The following NFIB variants were observed in gnomAD, a reference collection of about 807,000 sequenced individuals.
NFIB encodes nuclear factor I B, also known as nuclear factor 1 B-type.
In NFIB, 11 loss-of-function variants were observed where a neutral mutation model predicts 61.5. The ratio of observed to expected loss-of-function variants is 0.18; its 90% CI spans 0.11 to 0.30. The LOEUF is 0.30. NFIB is among the 10% of genes least tolerant of loss of function. NFIB has a pLI of 1.00. For synonymous variants in NFIB, 260 were observed against 216.5 expected, an observed-to-expected ratio of 1.20 and a Z score of -1.76; for missense variants, 471 against 608.9, an observed-to-expected ratio of 0.77 and a Z score of 2.38.
At position 14,083,780 on chromosome 9, in the gene NFIB, T is replaced by C. The variant is rs1282451968; in HGVS notation, c.*4529A>G. On this transcript the variant is annotated 3_prime_UTR_variant, in exon 11 of 11. Coordinates refer to ENST00000380953, the MANE Select transcript of NFIB (RefSeq NM_001190737.2). Reference sequence around the variant, plus strand: ...GCTGAAGATGTCCCTGTGCAATCTCTTTCGTTGAGTCCTTATGAAGCTACA... The same window carrying C: ...GCTGAAGATGTCCCTGTGCAATCTCCTTCGTTGAGTCCTTATGAAGCTACA... 3 of 226,430 alleles carry C rather than the reference T, an allele frequency of 1.3e-5. No homozygotes were observed. In the Admixed American group the frequency reaches 1.7e-4, roughly 13 times the overall value. The allele number at this position is 226,430 out of a possible 1,614,324, so 14.0% of individuals were successfully genotyped here.
rs530293227 is a variant in NFIB at position 14,107,801 on chromosome 9, A to G, written c.1467+5198T>C. Among the ~76,000 whole-genome samples, 4 of 152,228 alleles carry G rather than the reference A, an allele frequency of 2.6e-5. No homozygotes were observed. In the East Asian group the frequency reaches 7.7e-4, roughly 29 times the overall value. On this transcript the variant is annotated intron_variant, in intron 10 of 10. Transcript: ENST00000380953. Reference sequence around the variant, plus strand: ...TAATGCTAAAATATCTGTAAATAAAACCTTCAGAATTCCCTCTACCTCCCT... The same window carrying G: ...TAATGCTAAAATATCTGTAAATAAAGCCTTCAGAATTCCCTCTACCTCCCT...
At chr9:14,190,830 A>G (rs554306588) in intron 2 of NFIB, among the ~76,000 whole-genome samples, 1 of 152,348 alleles carries the variant, frequency 6.6e-6, no homozygotes, top group South Asian at 2.1e-4. Flanking sequence ...GCTCACAGAG[A>G]CATGAAGATG....
chr9:14,366,985 G>A (rs188396959), intron 1 of NFIB, among the ~76,000 whole-genome samples: 2 of 152,106 alleles, frequency 1.3e-5, no homozygotes, highest in East Asian at 1.9e-4. Flanking sequence ...AAGAGTTTTG[G>A]CTGTCTCTCC....
At chr9:14,327,245 T>C (rs1260162242) in intron 1 of NFIB, among the ~76,000 whole-genome samples, 2 of 152,200 alleles carry the variant, frequency 1.3e-5, no homozygotes, top group Admixed American at 6.5e-5. Flanking sequence ...TTTTGCTCAG[T>C]GAGGCCACAT....
At chr9:14,211,325 G>A (rs1292922466) in intron 2 of NFIB, among the ~76,000 whole-genome samples, 1 of 152,122 alleles carries the variant, frequency 6.6e-6, no homozygotes, top group Admixed American at 6.6e-5. Context: ...GACCTGGGAA[G>A]TTTCTTAAAA....
At chr9:14,258,461 G>A (rs1215685820) in intron 2 of NFIB, among the ~76,000 whole-genome samples, 1 of 152,228 alleles carries the variant, frequency 6.6e-6, no homozygotes, top group Non-Finnish European at 1.5e-5. Context: ...CATGGGGCAA[G>A]ACAGTGGAAT....
intron 2 of NFIB, among the ~76,000 whole-genome samples, chr9:14,200,386 A>C (rs1273907444): frequency 6.6e-6 from 1 of 152,204 alleles, no homozygotes; most frequent in African/African-American, 2.4e-5. Context: ...GTGAAGTTAG[A>C]CCAAGGAATA....
chr9:14,096,453 GA>G (rs2034804147), intron 10 of NFIB: 1 of 152,126 alleles, frequency 6.6e-6, no homozygotes, highest in African/African-American at 2.4e-5. Flanking sequence ...AAATATCACG[GA>G]AAAAAGTTGT....
the NFIB span, among the ~76,000 whole-genome samples, chr9:14,442,948 C>T: frequency 6.6e-6 from 1 of 152,046 alleles, no homozygotes; most frequent in Non-Finnish European, 1.5e-5. Flanking sequence ...GGCTTTGACC[C>T]AGGGCCACAC....
chr9:14,188,776 C>T (rs2047642086), intron 2 of NFIB, among the ~76,000 whole-genome samples: 1 of 152,168 alleles, frequency 6.6e-6, no homozygotes, highest in African/African-American at 2.4e-5. Context: ...ATCTGGGAGA[C>T]ATTTTGGATT....
At chr9:14,499,708 C>A in the NFIB span, among the ~76,000 whole-genome samples, 1 of 152,178 alleles carries the variant, frequency 6.6e-6, no homozygotes, top group African/African-American at 2.4e-5. Flanking sequence ...GGGACCTGAG[C>A]CTCAATCTTT....
In NFIB at chr9:14,347,444, C is replaced by G. The variant is rs186017062; in HGVS notation, c.109-39924G>C. ...GACTCCTTTTCTCCTCCTGCCAGCG[C>G]CAGCTGGGGCAAACTTGAGCTGGCA... On this transcript the variant is annotated intron_variant, in intron 1 of 8. Coordinates refer to the NFIB transcript ENST00000380934. The G allele has an allele frequency of 5.2e-5, 8 of 152,512 alleles. No individual in the cohort carries two copies. In the South Asian group the frequency reaches 1.0e-3, roughly 20 times the overall value. 9.4% of individuals were successfully genotyped at this position (152,512 alleles called of 1,614,324 possible).
intron 10 of NFIB, among the ~76,000 whole-genome samples, chr9:14,106,892 C>T (rs777956115): frequency 7.9e-5 from 12 of 152,078 alleles, no homozygotes; most frequent in Non-Finnish European, 1.6e-4. Flanking sequence ...ACAGTTCCTA[C>T]GATGACAACA....
At chr9:14,235,899 A>C (rs1298732278) in intron 2 of NFIB, among the ~76,000 whole-genome samples, 1 of 152,228 alleles carries the variant, frequency 6.6e-6, no homozygotes, top group Non-Finnish European at 1.5e-5. Flanking sequence ...GGTTTTTAAC[A>C]CAATTACTAC....
Position 14,082,693 on chromosome 9 carries a change from C to G in NFIB, c.*5616G>C. The stretch of plus-strand genomic sequence containing the variant: ...GTTTTTTTTTTTTGTTTGTTTCTTT[C>G]TTGTTTTGCATCAACTTTTATCAGT... On this transcript the variant is annotated 3_prime_UTR_variant, in exon 11 of 11. Transcript: ENST00000380953. 1 of 164,978 alleles carries G rather than the reference C, an allele frequency of 6.1e-6. No homozygotes were observed. The allele number at this position is 164,978 out of a possible 1,614,324, so 10.2% of individuals were successfully genotyped here.
At chr9:14,431,607 C>G in the NFIB span, among the ~76,000 whole-genome samples, 6 of 151,458 alleles carry the variant, frequency 4.0e-5, no homozygotes, top group Admixed American at 2.0e-4. Flanking sequence ...AATATCATCT[C>G]CCCTCTCTCC....
chr9:14,375,113 T>C (rs1384131123), intron 1 of NFIB, among the ~76,000 whole-genome samples: 1 of 152,178 alleles, frequency 6.6e-6, no homozygotes, highest in African/African-American at 2.4e-5. Context: ...CAGACTTCAA[T>C]GTCTTAAACA....
chr9:14,308,924 T>C (rs1275407130), intron 1 of NFIB, among the ~76,000 whole-genome samples: 2 of 152,178 alleles, frequency 1.3e-5, no homozygotes, highest in Non-Finnish European at 2.9e-5. Flanking sequence ...ACCTGTCTTA[T>C]AAGCTTAGGC....
intron 2 of NFIB, among the ~76,000 whole-genome samples, chr9:14,246,100 C>G (rs1176081059): frequency 1.3e-5 from 2 of 151,382 alleles, no homozygotes. Flanking sequence ...AAAAGGCATT[C>G]TAGATATCAG....
Sources: gnomAD v4.1 joint callset for allele counts (sites outside exome capture counted in the v4.1 genomes callset) on GRCh38, gnomAD v4.1.1 for gene constraint, MANE v1.5 for transcripts, NCBI Gene and HGNC (gene_info 2026-07-23, HGNC 2026-07-21) for gene names.